Variants in MLPH observed in about 807,000 individuals in gnomAD.
The protein encoded by MLPH is exophilin-3.
In MLPH, 51 loss-of-function variants were observed where a neutral mutation model predicts 72.1. The observed-to-expected ratio is 0.71, with a 90% confidence interval of 0.56 to 0.89. The LOEUF (loss-of-function observed/expected upper bound fraction) is 0.89. Ranked by LOEUF, MLPH falls within the 40% of genes least tolerant of loss-of-function variation. The pLI is 0.00. For missense variants in MLPH, 743 were observed against 759.9 expected, an observed-to-expected ratio of 0.98 and a Z score of 0.26; for synonymous variants, 301 against 310.1, an observed-to-expected ratio of 0.97 and a Z score of 0.31.
chr2:237,515,180 C>T (rs568528850), intron 4 of MLPH, among the ~76,000 whole-genome samples: 25 of 152,330 alleles, frequency 1.6e-4, no homozygotes, highest in African/African-American at 6.0e-4. Flanking sequence ...GAATTGTAAG[C>T]TGGTGTGGAC....
rs3751110 is a variant in MLPH at position 237,518,499 on chromosome 2, T to C, written c.446-40T>C. Reference sequence around the variant, plus strand: ...GCTGACAAATGGCTTGTTCCCAGACTGTTTGTCCTTGGGTGGAGTCATGCA... The same window carrying C: ...GCTGACAAATGGCTTGTTCCCAGACCGTTTGTCCTTGGGTGGAGTCATGCA... On this transcript the variant is annotated intron_variant, in intron 4 of 15. Transcript: ENST00000264605. 0.16 allele frequency: 246,470 copies of C among 1,527,782 alleles called. 21,782 individuals are homozygous for C. Among genetic ancestry groups the C allele is most frequent in the African/African-American group, 0.34 (24,794 of 72,810 alleles). The allele number at this position is 1,527,782 out of a possible 1,614,324, so 94.6% of individuals were successfully genotyped here.
rs112820057 is a variant in MLPH at position 237,497,543 on chromosome 2, C to T, written c.110+4007C>T. Reference sequence around the variant, plus strand: ...AGCACCGCAAGGTCAAAACACGCCTCGCAGTGTGCTCTGCTCAAACCAGGT... The same window carrying T: ...AGCACCGCAAGGTCAAAACACGCCTTGCAGTGTGCTCTGCTCAAACCAGGT... On this transcript the variant is annotated intron_variant, in intron 2 of 15. Transcript: ENST00000264605. Among the ~76,000 whole-genome samples the T allele has an allele frequency of 6.0e-4, 91 of 152,284 alleles. 1 individual carries two copies. Among genetic ancestry groups the T allele is most frequent in the Middle Eastern group, 3.4e-3 (1 of 292 alleles).
intron 8 of MLPH, among the ~76,000 whole-genome samples, chr2:237,529,957 G>A (rs1325118692): frequency 6.6e-6 from 1 of 152,232 alleles, no homozygotes; most frequent in Non-Finnish European, 1.5e-5. Context: ...GCTGAGCCTT[G>A]TCAGGAAAGG....
chr2:237,495,933 A>C (rs537563274), intron 2 of MLPH, among the ~76,000 whole-genome samples: 1 of 151,354 alleles, frequency 6.6e-6, no homozygotes, highest in African/African-American at 2.4e-5. Flanking sequence ...TCACCCCTCC[A>C]CTCTTGAGTC....
At chr2:237,551,528 A>G (rs2081040416) in intron 14 of MLPH, among the ~76,000 whole-genome samples, 1 of 152,188 alleles carries the variant, frequency 6.6e-6, no homozygotes, top group African/African-American at 2.4e-5. Context: ...TGCAAAAGTG[A>G]AGAAGGGCGG....
intron 8 of MLPH, among the ~76,000 whole-genome samples, chr2:237,528,745 G>A (rs2080358271): frequency 6.6e-6 from 1 of 152,124 alleles, no homozygotes; most frequent in Admixed American, 6.5e-5. Context: ...TACCCATGAA[G>A]CAGTTACTTC....
chr2:237,539,573 C>T (rs112869665), intron 9 of MLPH, among the ~76,000 whole-genome samples: 3,042 of 152,244 alleles, frequency 0.02, 31 homozygotes, highest in Middle Eastern at 0.044. Context: ...CACCTAAAAC[C>T]CTTCATGAAA....
At chr2:237,528,039 T>C (rs1979761) in intron 8 of MLPH, among the ~76,000 whole-genome samples, 16,596 of 152,170 alleles carry the variant, frequency 0.11, 2,653 homozygotes, top group African/African-American at 0.36. Flanking sequence ...TCTGGACACA[T>C]GCTATATGGT....
upstream of MLPH, chr2:237,486,738 G>A (rs1171684027): frequency 6.6e-6 from 1 of 152,260 alleles, no homozygotes; most frequent in Non-Finnish European, 1.5e-5. Context: ...GAATCGAAGG[G>A]GTGAGGGTAC....
chr2:237,524,395 G>A (rs1258086404), intron 6 of MLPH, among the ~76,000 whole-genome samples: 1 of 151,020 alleles, frequency 6.6e-6, no homozygotes, highest in Non-Finnish European at 1.5e-5. Flanking sequence ...TGAGGAGCAG[G>A]GAGAGCCAGT....
chr2:237,526,455 G>A (rs1162316487), intron 7 of MLPH, among the ~76,000 whole-genome samples: 1 of 152,066 alleles, frequency 6.6e-6, no homozygotes, highest in East Asian at 1.9e-4. Flanking sequence ...TGTATTGAAG[G>A]GGCCGTAATC....
chr2:237,530,915 C>T (rs532174633), intron 8 of MLPH, among the ~76,000 whole-genome samples: 1 of 152,360 alleles, frequency 6.6e-6, no homozygotes, highest in South Asian at 2.1e-4. Flanking sequence ...AGTCAAGCCT[C>T]CACCACCTGC....
In MLPH at chr2:237,540,314, A is replaced by G. The variant is rs1308203813; in HGVS notation, c.1105-34A>G. The G allele has an allele frequency of 3.1e-6, 5 of 1,611,132 alleles. No homozygotes were observed. In the South Asian group the frequency reaches 5.5e-5, roughly 18 times the overall value. ...TGGAGCTCCATGGCTCCAGATGGCT[A>G]GCCGAATCCAAATCCACTGGCCTGT... On this transcript the variant is annotated intron_variant, in intron 9 of 15. Transcript: ENST00000264605.
chr2:237,531,045 C>T (rs898138777), intron 8 of MLPH, among the ~76,000 whole-genome samples: 4 of 152,204 alleles, frequency 2.6e-5, no homozygotes, highest in Admixed American at 1.3e-4. Flanking sequence ...GGTGGAGTAT[C>T]GGCTGCAAGT....
At chr2:237,529,904 G>A (rs752434047) in intron 8 of MLPH, among the ~76,000 whole-genome samples, 40 of 152,328 alleles carry the variant, frequency 2.6e-4, no homozygotes, top group Middle Eastern at 6.8e-3. Flanking sequence ...GCTTCCCTTC[G>A]GGCCTGTGGG....
chr2:237,527,063 TATC>T (rs1431217400), intron 7 of MLPH, among the ~76,000 whole-genome samples: 1 of 152,200 alleles, frequency 6.6e-6, no homozygotes, highest in Non-Finnish European at 1.5e-5. Flanking sequence ...TTTATGATCT[TATC>T]ATGGAATCTG....
chr2:237,499,684 A>G (rs1490392378), intron 2 of MLPH, among the ~76,000 whole-genome samples: 1 of 152,240 alleles, frequency 6.6e-6, no homozygotes, highest in African/African-American at 2.4e-5. Context: ...TTAATAGTTC[A>G]CAAGACATTG....
In MLPH at chr2:237,517,729, G is replaced by GTGGATGGA. The variant is rs58864368; in HGVS notation, c.446-780_446-773dup. Among the ~76,000 whole-genome samples the GTGGATGGA allele has an allele frequency of 1.1e-3, 152 of 135,142 alleles. 1 individual carries two copies. Among genetic ancestry groups the GTGGATGGA allele is most frequent in the South Asian group, 2.8e-3 (12 of 4,306 alleles). The allele number at this position is 135,142 out of a possible 152,430, so 88.7% of individuals were successfully genotyped here. A position where few individuals can be genotyped will look rare whatever the true frequency, so the allele number is the denominator to read the frequency against. ...GATGGATGGATGGATAAGTAAGTGG[G>GTGGATGGA]TGGATGGATGGATGGATGGATGGAT... On this transcript the variant is annotated intron_variant, in intron 4 of 15. Coordinates refer to ENST00000264605, the MANE Select transcript of MLPH (RefSeq NM_024101.7).
At chr2:237,524,266 T>A (rs750969126) in intron 6 of MLPH, among the ~76,000 whole-genome samples, 2 of 147,412 alleles carry the variant, frequency 1.4e-5, no homozygotes, top group Non-Finnish European at 2.9e-5. Flanking sequence ...TCAAGGATGC[T>A]GTATTAGGGT....
Sources: gnomAD v4.1 joint callset for allele counts (sites outside exome capture counted in the v4.1 genomes callset) on GRCh38, gnomAD v4.1.1 for gene constraint, MANE v1.5 for transcripts, NCBI Gene and HGNC (gene_info 2026-07-23, HGNC 2026-07-21) for gene names.